Variants in LRRTM4 observed in about 807,000 individuals in gnomAD.
The protein encoded by LRRTM4 is leucine rich repeat transmembrane neuronal 4.
A neutral mutation model predicts 47.6 loss-of-function variants in LRRTM4; 25 were observed. The observed-to-expected ratio is 0.53, with a 90% confidence interval of 0.38 to 0.73. The LOEUF (loss-of-function observed/expected upper bound fraction) is 0.73, where lower values mean the gene tolerates loss of function less well. LRRTM4 is among the 30% of genes least tolerant of loss of function. The pLI is 0.00. For missense variants in LRRTM4, 638 were observed against 713.4 expected (o/e 0.89, Z 1.20); for synonymous variants, 311 against 269.5 (o/e 1.15, Z -1.51).
intron 3 of LRRTM4, among the ~76,000 whole-genome samples, chr2:77,385,764 T>A (rs1290673293): frequency 1.1e-4 from 14 of 121,868 alleles, no homozygotes; most frequent in South Asian, 7.9e-4. Flanking sequence ...TTTTTTTTTT[T>A]TGAGATGGAG....
At chr2:76,904,281 A>G (rs2103755482) in intron 3 of LRRTM4, among the ~76,000 whole-genome samples, 1 of 152,346 alleles carries the variant, frequency 6.6e-6, no homozygotes, top group East Asian at 1.9e-4. Flanking sequence ...TTGTTTGAGA[A>G]CCACGTTTTT....
chr2:76,948,281 C>G (rs1375663346), intron 3 of LRRTM4, among the ~76,000 whole-genome samples: 1 of 151,764 alleles, frequency 6.6e-6, no homozygotes, highest in Non-Finnish European at 1.5e-5. Flanking sequence ...AATTTTGTCC[C>G]CATAAATCCT....
intron 3 of LRRTM4, among the ~76,000 whole-genome samples, chr2:77,313,506 G>C (rs1239771857): frequency 2.4e-4 from 36 of 151,282 alleles, no homozygotes; most frequent in Admixed American, 2.4e-3. Context: ...TTGGTGTTGT[G>C]ATGTTCCTCC....
chr2:77,319,640 T>G (rs1416007319), intron 3 of LRRTM4, among the ~76,000 whole-genome samples: 1 of 152,174 alleles, frequency 6.6e-6, no homozygotes. Context: ...GGAGTAAATA[T>G]CTCAGATTTT....
chr2:76,983,119 A>T (rs1432893380), intron 3 of LRRTM4, among the ~76,000 whole-genome samples: 1 of 152,096 alleles, frequency 6.6e-6, no homozygotes, highest in Middle Eastern at 3.2e-3. Context: ...GCATAATGGT[A>T]AAATGGTAAA....
chr2:76,797,291 A>C (rs1160790983), intron 3 of LRRTM4, among the ~76,000 whole-genome samples: 1 of 152,100 alleles, frequency 6.6e-6, no homozygotes, highest in African/African-American at 2.4e-5. Flanking sequence ...ACAAGCCAGA[A>C]GAGAGTGGGG....
rs1047863470 is a variant in LRRTM4, at chr2:77,060,503, A to G, written c.1552-311587T>C. On this transcript the variant is annotated intron_variant, in intron 3 of 3. Transcript: ENST00000409884. ...TTAATCTAAGATAATATGGCTGTATATTTTCTTATTTGTATTAAAATGACT... is the reference window on the plus strand; with the variant it reads ...TTAATCTAAGATAATATGGCTGTATGTTTTCTTATTTGTATTAAAATGACT... Among the ~76,000 whole-genome samples, 4 of 152,274 alleles carry G rather than the reference A, an allele frequency of 2.6e-5. 1 individual carries two copies. Among genetic ancestry groups the G allele is most frequent in the African/African-American group, 9.6e-5 (4 of 41,580 alleles).
intron 3 of LRRTM4, among the ~76,000 whole-genome samples, chr2:77,286,663 C>T (rs866562447): frequency 6.6e-6 from 1 of 151,486 alleles, no homozygotes; most frequent in African/African-American, 2.4e-5. Flanking sequence ...GGGGTACACA[C>T]TAAACAGAAG....
At chr2:77,087,446 T>C (rs1165107754) in intron 3 of LRRTM4, among the ~76,000 whole-genome samples, 3 of 152,258 alleles carry the variant, frequency 2.0e-5, no homozygotes, top group African/African-American at 7.2e-5. Context: ...AGTTAATAAA[T>C]TCATTTTAAA....
At chr2:76,823,084 CAAAAT>C (rs1330263482) in intron 3 of LRRTM4, among the ~76,000 whole-genome samples, 3 of 150,944 alleles carry the variant, frequency 2.0e-5, no homozygotes, top group African/African-American at 7.3e-5. Flanking sequence ...AGATATTAGA[CAAAAT>C]AAAAAGGGTT....
intron 3 of LRRTM4, among the ~76,000 whole-genome samples, chr2:77,227,875 A>G (rs979919449): frequency 1.3e-5 from 2 of 152,062 alleles, no homozygotes; most frequent in East Asian, 3.8e-4. Context: ...CCTTTTTCTT[A>G]TGCATATGTC....
chr2:77,001,709 C>A (rs549134090), intron 3 of LRRTM4, among the ~76,000 whole-genome samples: 1 of 152,090 alleles, frequency 6.6e-6, no homozygotes, highest in Non-Finnish European at 1.5e-5. Flanking sequence ...AACTCAATTG[C>A]GAGAGACACT....
intron 3 of LRRTM4, among the ~76,000 whole-genome samples, chr2:77,373,116 C>A (rs1672713632): frequency 7.0e-6 from 1 of 143,266 alleles, no homozygotes. Flanking sequence ...TATACGCACA[C>A]ACATATATAT....
At chr2:77,380,757 C>T (rs1179214273) in intron 3 of LRRTM4, among the ~76,000 whole-genome samples, 1 of 151,580 alleles carries the variant, frequency 6.6e-6, no homozygotes, top group Non-Finnish European at 1.5e-5. Context: ...GATCACACCA[C>T]CGCACTCCAG....
intron 3 of LRRTM4, among the ~76,000 whole-genome samples, chr2:76,766,334 A>G (rs577700996): frequency 6.6e-6 from 1 of 152,298 alleles, no homozygotes; most frequent in South Asian, 2.1e-4. Flanking sequence ...TTCTCATGGT[A>G]TCCAACTGGG....
chr2:76,780,623 C>T (rs1233772753), intron 3 of LRRTM4, among the ~76,000 whole-genome samples: 1 of 152,122 alleles, frequency 6.6e-6, no homozygotes, highest in African/African-American at 2.4e-5. Flanking sequence ...CTCCTTTAAG[C>T]ACTTCTCTGT....
At chr2:77,403,783 G>C (rs887242079) in intron 3 of LRRTM4, among the ~76,000 whole-genome samples, 1 of 151,328 alleles carries the variant, frequency 6.6e-6, no homozygotes, top group African/African-American at 2.4e-5. Context: ...ACTCTACCCT[G>C]TAATGGCCAA....
chr2:76,748,813 G>C lies in LRRTM4; in HGVS notation c.1655C>G (p.Thr552Arg), dbSNP rs756134339. The stretch of plus-strand genomic sequence containing the variant: ...GCTTTCGTCCTGCTCTGGAGACACT[G>C]TCTCATAGCCCTTGGTGACATGGAG... ...QPLHVTKGYE[T>R]VSPEQDESPG... The change falls in exon 4 of 4, where the codon ACA (threonine) becomes AGA (arginine). Residue 552 changes from threonine (T) to arginine (R), a missense_variant. Thr to Arg is a moderately conservative substitution (Grantham distance 71). Transcript: ENST00000409884. 6.2e-7 allele frequency: 1 copy of C among 1,614,012 alleles called. No individual in the cohort carries two copies. Among genetic ancestry groups the C allele is most frequent in the East Asian group, 2.2e-5 (1 of 44,874 alleles).
intron 3 of LRRTM4, among the ~76,000 whole-genome samples, chr2:76,860,576 G>GTGTGTGTATTGCTATAGGCTCAC (rs1265294143): frequency 1.3e-5 from 2 of 152,092 alleles, no homozygotes; most frequent in African/African-American, 4.8e-5. Flanking sequence ...GTGTGTGCGT[G>GTGTGTGTATTGCTATAGGCTCAC]TGTGTGTATT....
Sources: gnomAD v4.1 joint callset for allele counts (sites outside exome capture counted in the v4.1 genomes callset) on GRCh38, gnomAD v4.1.1 for gene constraint, MANE v1.5 for transcripts, NCBI Gene and HGNC (gene_info 2026-07-23, HGNC 2026-07-21) for gene names.